Variants in TMEM87B observed in about 807,000 individuals in gnomAD.
TMEM87B encodes transmembrane protein 87B.
In TMEM87B, 83 loss-of-function variants were observed where a neutral mutation model predicts 80.3. The ratio of observed to expected loss-of-function variants is 1.03; its 90% CI spans 0.87 to 1.24. The LOEUF (loss-of-function observed/expected upper bound fraction) is 1.24, where lower values mean the gene tolerates loss of function less well. Ranked by LOEUF, TMEM87B falls within the 50% of genes most tolerant of loss-of-function variation. TMEM87B has a pLI of 0.00. For synonymous variants in TMEM87B, 219 were observed against 230.5 expected (o/e 0.95, Z 0.45); for missense variants, 625 against 674.4 (o/e 0.93, Z 0.81).
At chr2:112,063,275 A>G (rs762957424) in intron 2 of TMEM87B, among the ~76,000 whole-genome samples, 4 of 152,190 alleles carry the variant, frequency 2.6e-5, no homozygotes, top group Non-Finnish European at 1.5e-5. Flanking sequence ...CTAATCACTC[A>G]CTCTGGGGTA....
chr2:112,088,063 C>T (rs1332469367), intron 9 of TMEM87B, among the ~76,000 whole-genome samples: 1 of 152,204 alleles, frequency 6.6e-6, no homozygotes, highest in Non-Finnish European at 1.5e-5. Context: ...CTGTGACTCG[C>T]ACCCCTAGGC....
rs560710960 is a variant in TMEM87B, at chr2:112,116,266, A to C, written c.*123A>C. On this transcript the variant is annotated 3_prime_UTR_variant, in exon 19 of 19. Transcript: ENST00000283206. ...GTGTTATCTTGGAAGTCTGTGTATC[A>C]AAATGAAGAATTCAGATGGTAGGAG... The C allele has an allele frequency of 3.7e-4, 295 of 803,346 alleles. No homozygotes were observed. Among genetic ancestry groups the C allele is most frequent in the South Asian group, 7.0e-4 (39 of 55,706 alleles). 49.8% of individuals were successfully genotyped at this position (803,346 alleles called of 1,614,324 possible). A position where few individuals can be genotyped will look rare whatever the true frequency, so the allele number is the denominator to read the frequency against.
chr2:112,072,611 T>C (rs1439491600), intron 4 of TMEM87B, among the ~76,000 whole-genome samples: 1 of 152,192 alleles, frequency 6.6e-6, no homozygotes, highest in Non-Finnish European at 1.5e-5. Context: ...GGCTCAGTGG[T>C]AACATTCCGT....
chr2:112,097,146 G>C lies in TMEM87B; in HGVS notation c.1207G>C (p.Val403Leu), dbSNP rs1299173891. The change falls in exon 12 of 19, where the codon GTG becomes CTG. Residue 403 changes from valine (V) to leucine (L), a missense_variant. By Grantham distance (32) the Val-to-Leu change is conservative. Coordinates refer to ENST00000283206, the MANE Select transcript of TMEM87B (RefSeq NM_032824.3). Reference protein sequence around the residue: ...RHFKNTLIFAVLASIVFMGWT... With the variant: ...RHFKNTLIFALLASIVFMGWT... Reference sequence around the variant, plus strand: ...TTTTAAAAATACTCTGATCTTTGCTGTGCTGGGTAAGCTATTTAATTTTTC... The same window carrying C: ...TTTTAAAAATACTCTGATCTTTGCTCTGCTGGGTAAGCTATTTAATTTTTC... The C allele has an allele frequency of 1.2e-6, 2 of 1,600,790 alleles. No homozygotes were observed.
chr2:112,077,302 AT>A lies in TMEM87B; in HGVS notation c.592+21del. On this transcript the variant is annotated intron_variant, in intron 6 of 18. Coordinates refer to ENST00000283206, the MANE Select transcript of TMEM87B (RefSeq NM_032824.3). The stretch of plus-strand genomic sequence containing the variant: ...TGAATGGTATAGTTAAACTGCATGC[AT>A]GTTTACTGTCTGCATTTTCTGTATT... The A allele has an allele frequency of 7.5e-7, 1 of 1,333,996 alleles. No individual in the cohort carries two copies. Among genetic ancestry groups the A allele is most frequent in the Non-Finnish European group, 1.0e-6 (1 of 959,796 alleles). 82.6% of individuals were successfully genotyped at this position (1,333,996 alleles called of 1,614,324 possible).
chr2:112,112,868 C>T, intron 17 of TMEM87B, 31 bp from the exon 18 acceptor site: 1 of 1,608,522 alleles, frequency 6.2e-7, no homozygotes, highest in Non-Finnish European at 8.5e-7. Flanking sequence ...CTGTTAACAA[C>T]ATTATCACCT....
chr2:112,061,638 G>A (rs1194251701), intron 2 of TMEM87B, among the ~76,000 whole-genome samples: 1 of 152,130 alleles, frequency 6.6e-6, no homozygotes, highest in Non-Finnish European at 1.5e-5. Context: ...TCAGTCTGGT[G>A]CTGACAAAAA....
Position 112,074,981 on chromosome 2 carries a change from C to T in TMEM87B, c.501+19C>T. On this transcript the variant is annotated intron_variant, in intron 5 of 18. Transcript: ENST00000283206. ...ATCAATGGTAAGCAGTTTGATTTGT[C>T]TTTAAATCAAATATACACAAGTTAA... 6.3e-7 allele frequency: 1 copy of T among 1,577,648 alleles called. No individual in the cohort carries two copies. Among genetic ancestry groups the T allele is most frequent in the Non-Finnish European group, 8.6e-7 (1 of 1,158,198 alleles).
At chr2:112,099,882 C>CA (rs57117477) in intron 14 of TMEM87B, among the ~76,000 whole-genome samples, 12,312 of 67,592 alleles carry the variant, frequency 0.18, 944 homozygotes, top group African/African-American at 0.3. Flanking sequence ...GACCCTGTCT[C>CA]AAAAAAAAAA....
chr2:112,084,954 GTTGTAA>G (rs1412147851), intron 8 of TMEM87B, among the ~76,000 whole-genome samples: 2 of 152,220 alleles, frequency 1.3e-5, no homozygotes, highest in African/African-American at 4.8e-5. Context: ...TATGGTCTCT[GTTGTAA>G]CTATTCACCC....
chr2:112,089,680 A>G lies in TMEM87B; in HGVS notation c.994A>G (p.Ile332Val). ...RVIGLGLLYL[I>V]FAAVEGVMRV... is the part of the protein sequence containing the mutation. ...GATCGGACTGGGGCTTCTATACTTA[A>G]TCTTTGCAGCTGTTGAAGGCGTGAT... Residue 332 changes from isoleucine (I) to valine (V), a missense_variant, in exon 10 of 19, where the codon ATC becomes GTC. Ile to Val is a conservative substitution (Grantham distance 29). Coordinates refer to ENST00000283206, the MANE Select transcript of TMEM87B (RefSeq NM_032824.3). 6.2e-7 allele frequency: 1 copy of G among 1,614,136 alleles called. No homozygotes were observed. The highest frequency in any genetic ancestry group is 8.5e-7 in the Non-Finnish European group (1 of 1,180,004).
At chr2:112,080,538 G>T (rs549282343) in intron 6 of TMEM87B, among the ~76,000 whole-genome samples, 1 of 151,372 alleles carries the variant, frequency 6.6e-6, no homozygotes, top group Admixed American at 6.6e-5. Flanking sequence ...GGATTACAGG[G>T]GTGAGCCACC....
At position 112,091,708 on chromosome 2, in the gene TMEM87B, T is replaced by A. The variant is rs1382623741; in HGVS notation, c.1033-4T>A. ...AGGTTTCTTCCCTTATTTTTATCTT[T>A]CAGGGTTCTAACCATTTAGCTGTTG... On this transcript the variant is annotated splice_polypyrimidine_tract_variant and splice_region_variant and intron_variant, in intron 10 of 18. Transcript: ENST00000283206. The A allele has an allele frequency of 6.2e-7, 1 of 1,607,760 alleles. No individual in the cohort carries two copies. The highest frequency in any genetic ancestry group is 8.5e-7 in the Non-Finnish European group (1 of 1,176,120).
Position 112,107,787 on chromosome 2 carries a change from G to A in TMEM87B, c.1525-1G>A. Reference sequence around the variant, plus strand: ...AATGCTAAGTATAAATATTTCTACAGGATGAAGATTTGAAGTGGGTAGAAG... The same window carrying A: ...AATGCTAAGTATAAATATTTCTACAAGATGAAGATTTGAAGTGGGTAGAAG... On this transcript the variant is annotated splice_acceptor_variant, in intron 16 of 18. Transcript: ENST00000283206. LOFTEE classifies it high-confidence loss of function. 1.3e-6 allele frequency: 2 copies of A among 1,569,304 alleles called. No homozygotes were observed. Among genetic ancestry groups the A allele is most frequent in the African/African-American group, 1.3e-5 (1 of 74,226 alleles).
At chr2:112,070,460 A>G (rs575766847) in intron 4 of TMEM87B, among the ~76,000 whole-genome samples, 2 of 152,072 alleles carry the variant, frequency 1.3e-5, no homozygotes, top group African/African-American at 2.4e-5. Flanking sequence ...GTTTTTGTCA[A>G]CTTTATTAAA....
chr2:112,075,117 A>C (rs959575075), intron 5 of TMEM87B, among the ~76,000 whole-genome samples, 155 bp downstream of exon 5: 2 of 152,182 alleles, frequency 1.3e-5, no homozygotes, highest in Admixed American at 1.3e-4. Context: ...GTATGTTTTC[A>C]GGCCAGGTGC....
intron 10 of TMEM87B, among the ~76,000 whole-genome samples, chr2:112,090,046 A>G (rs752083602): frequency 6.6e-6 from 1 of 152,186 alleles, no homozygotes; most frequent in Non-Finnish European, 1.5e-5. Flanking sequence ...ATCATTCTTA[A>G]CCCTGGATTT....
chr2:112,057,635 T>C (rs1315216162), intron 1 of TMEM87B, among the ~76,000 whole-genome samples: 1 of 152,172 alleles, frequency 6.6e-6, no homozygotes, highest in African/African-American at 2.4e-5. Flanking sequence ...CTGTGTGTCA[T>C]ATGTTAGACT....
chr2:112,055,705 G>C lies in TMEM87B; in HGVS notation c.114G>C (p.Ala38=), dbSNP rs1243569230. ...VALCLLCWTP[A]AVRAVPELGL... ...TCTGCCTCCTGTGCTGGACCCCGGC[G>C]GCTGTGCGCGCGGTCCCTGAGCTCG... Residue 38 remains alanine, a synonymous_variant, in exon 1 of 19, where the codon GCG becomes GCC. Transcript: ENST00000283206. 1 of 1,545,722 alleles carries C rather than the reference G, an allele frequency of 6.5e-7. No individual in the cohort carries two copies. The highest frequency in any genetic ancestry group is 8.7e-7 in the Non-Finnish European group (1 of 1,153,048).
Sources: gnomAD v4.1 joint callset for allele counts (sites outside exome capture counted in the v4.1 genomes callset) on GRCh38, gnomAD v4.1.1 for gene constraint, MANE v1.5 for transcripts, NCBI Gene and HGNC (gene_info 2026-07-23, HGNC 2026-07-21) for gene names.